CDH12: variants seen among roughly 807,000 people sequenced by gnomAD.
The protein encoded by CDH12 is cadherin 12, also known as cadherin-12.
CDH12 carries 41 observed loss-of-function variants against 74.1 expected under a neutral mutation model. The observed-to-expected ratio is 0.55, with a 90% CI of 0.43 to 0.72. The LOEUF (loss-of-function observed/expected upper bound fraction) is 0.72, where lower values mean the gene tolerates loss of function less well. Ranked by LOEUF, CDH12 falls within the 30% of genes least tolerant of loss-of-function variation. The pLI is 0.00. For missense variants in CDH12, 945 were observed against 977.2 expected (o/e 0.97, Z 0.44); for synonymous variants, 399 against 355.0 (o/e 1.12, Z -1.39).
chr5:21,796,666 T>A (rs2149915057), intron 10 of CDH12, among the ~76,000 whole-genome samples: 1 of 152,200 alleles, frequency 6.6e-6, no homozygotes, highest in South Asian at 2.1e-4. Flanking sequence ...AATAAAAATA[T>A]GATTAAGTTC....
intron 5 of CDH12, among the ~76,000 whole-genome samples, chr5:22,050,598 C>T (rs1388444596): frequency 6.6e-6 from 1 of 152,120 alleles, no homozygotes; most frequent in East Asian, 1.9e-4. Flanking sequence ...GCATTTTCTC[C>T]TTACAATGTC....
intron 3 of CDH12, among the ~76,000 whole-genome samples, chr5:22,276,997 G>A (rs896571276): frequency 1.3e-5 from 2 of 152,220 alleles, no homozygotes; most frequent in African/African-American, 4.8e-5. Flanking sequence ...AGTAAGCTAA[G>A]TTAATGATTT....
chr5:22,251,156 T>A (rs1753117939), intron 3 of CDH12, among the ~76,000 whole-genome samples: 1 of 152,156 alleles, frequency 6.6e-6, no homozygotes, highest in Admixed American at 6.6e-5. Flanking sequence ...ATGGTGTATT[T>A]ATTTTTGTCT....
chr5:21,825,404 C>T (rs183780617), intron 8 of CDH12, among the ~76,000 whole-genome samples: 2 of 152,214 alleles, frequency 1.3e-5, no homozygotes, highest in Non-Finnish European at 2.9e-5. Flanking sequence ...ACAATTTGTA[C>T]ACATTTTGCT....
intron 3 of CDH12, among the ~76,000 whole-genome samples, chr5:22,373,233 C>G (rs889579936): frequency 1.3e-5 from 2 of 152,174 alleles, no homozygotes. Flanking sequence ...GAGATCAGGA[C>G]AAAGTAACCT....
rs1439013466 is a variant in CDH12 at position 21,841,194 on chromosome 5, A to G, written c.814+967T>C. Among the ~76,000 whole-genome samples the G allele has an allele frequency of 6.6e-5, 10 of 152,048 alleles. No homozygotes were observed. The East Asian group carries it at 1.4e-3, about 21-fold the overall frequency. ...CAAACAACCCCATCAAAAAGTGGGC[A>G]AAGGATATGAACAGACACTTCTCAA... On this transcript the variant is annotated intron_variant, in intron 8 of 14. Transcript: ENST00000382254.
At chr5:21,966,162 T>G (rs1340556121) in intron 6 of CDH12, among the ~76,000 whole-genome samples, 1 of 143,124 alleles carries the variant, frequency 7.0e-6, no homozygotes, top group Non-Finnish European at 1.5e-5. Context: ...TTTTACGTTT[T>G]TTTTTTTTTT....
chr5:21,949,139 A>C (rs1392519402), intron 6 of CDH12, among the ~76,000 whole-genome samples: 1 of 152,164 alleles, frequency 6.6e-6, no homozygotes, highest in Non-Finnish European at 1.5e-5. Context: ...AATATATTAC[A>C]TTTTCGTGTA....
At chr5:22,522,992 C>T (rs1265961223) in intron 1 of CDH12, among the ~76,000 whole-genome samples, 2 of 152,268 alleles carry the variant, frequency 1.3e-5, no homozygotes, top group African/African-American at 4.8e-5. Context: ...ACCTCATGCA[C>T]ACGATCCTCT....
At chr5:22,791,324 G>A (rs761488796) in intron 1 of CDH12, among the ~76,000 whole-genome samples, 3 of 152,084 alleles carry the variant, frequency 2.0e-5, no homozygotes, top group African/African-American at 4.8e-5. Context: ...CTTCACCCAC[G>A]TCTAAGTTTT....
At chr5:22,216,950 C>T (rs1751827498) in intron 3 of CDH12, among the ~76,000 whole-genome samples, 1 of 151,734 alleles carries the variant, frequency 6.6e-6, no homozygotes, top group Admixed American at 6.6e-5. Context: ...TATGAAAATG[C>T]ATCTATTTGC....
rs1736410466 is a variant in CDH12, at chr5:22,592,831, A to T, written c.-522-87467T>A. Among the ~76,000 whole-genome samples, 2 of 151,874 alleles carry T rather than the reference A, an allele frequency of 1.3e-5. 1 individual carries two copies. Among genetic ancestry groups the T allele is most frequent in the South Asian group, 4.2e-4 (2 of 4,806 alleles). ...GATCACCTGAGATCAGGTGTTCACG[A>T]CCAGCCTGTCCAACATGGTGAAACC... On this transcript the variant is annotated intron_variant, in intron 1 of 14. Coordinates refer to ENST00000382254, the MANE Select transcript of CDH12 (RefSeq NM_004061.5).
chr5:22,267,828 CA>C (rs1736205888), intron 3 of CDH12, among the ~76,000 whole-genome samples: 1 of 152,004 alleles, frequency 6.6e-6, no homozygotes, highest in Non-Finnish European at 1.5e-5. Context: ...TCAAGGAGGA[CA>C]AAACAAAGAA....
chr5:22,796,514 C>CTTTTTTTT (rs70959756), intron 1 of CDH12, among the ~76,000 whole-genome samples: 1 of 59,752 alleles, frequency 1.7e-5, no homozygotes, highest in Non-Finnish European at 2.7e-5. Context: ...GATTTTTTAT[C>CTTTTTTTT]TTTTTTTTTT....
intron 2 of CDH12, among the ~76,000 whole-genome samples, chr5:22,420,624 C>T (rs1044660155): frequency 6.6e-6 from 1 of 151,982 alleles, no homozygotes; most frequent in South Asian, 2.1e-4. Flanking sequence ...CCAGCCTTTT[C>T]TTTTTCCTTA....
At chr5:22,369,345 T>G (rs929832331) in intron 3 of CDH12, among the ~76,000 whole-genome samples, 7 of 151,600 alleles carry the variant, frequency 4.6e-5, no homozygotes, top group African/African-American at 1.7e-4. Flanking sequence ...GGAAAAATAC[T>G]TTCTAATAAC....
At chr5:22,315,094 G>A (rs1479088329) in intron 3 of CDH12, among the ~76,000 whole-genome samples, 1 of 124,998 alleles carries the variant, frequency 8.0e-6, no homozygotes, top group Non-Finnish European at 1.7e-5. Context: ...CAGGACTACA[G>A]GCGCCTGCCA....
At position 21,828,664 on chromosome 5, in the gene CDH12, C is replaced by T. The variant is rs561526525; in HGVS notation, c.815-11532G>A. Reference sequence around the variant, plus strand: ...TATATTCGTGTATCACATATGGACACAATGGTTTACATTTTCTGTCTTTTC... The same window carrying T: ...TATATTCGTGTATCACATATGGACATAATGGTTTACATTTTCTGTCTTTTC... On this transcript the variant is annotated intron_variant, in intron 8 of 14. Transcript: ENST00000382254. 6.6e-5 allele frequency among the ~76,000 whole-genome samples: 10 copies of T among 152,252 alleles called. 1 individual carries two copies. The South Asian group carries it at 2.1e-3, about 32-fold the overall frequency.
chr5:22,155,260 T>C (rs1194012200), intron 4 of CDH12, among the ~76,000 whole-genome samples: 1 of 152,042 alleles, frequency 6.6e-6, no homozygotes, highest in Non-Finnish European at 1.5e-5. Flanking sequence ...AAATCTATTA[T>C]AGTGACATTC....
Sources: allele counts gnomAD v4.1 joint callset (sites outside exome capture counted in the v4.1 genomes callset), GRCh38; gene constraint gnomAD v4.1.1; transcripts MANE v1.5; gene names NCBI Gene and HGNC (gene_info 2026-07-23, HGNC 2026-07-21).